Variants in UBP1 observed in about 807,000 individuals in gnomAD.
The protein encoded by UBP1 is upstream-binding protein 1.
In UBP1, 22 loss-of-function variants were observed where a neutral mutation model predicts 76.1. The ratio of observed to expected loss-of-function variants is 0.29; its 90% CI spans 0.21 to 0.41. The LOEUF is 0.41. Ranked by LOEUF, UBP1 falls within the 10% of genes least tolerant of loss-of-function variation. The pLI is 1.00. For synonymous variants in UBP1, 224 were observed against 237.1 expected, an observed-to-expected ratio of 0.94 and a Z score of 0.51; for missense variants, 436 against 668.1, an observed-to-expected ratio of 0.65 and a Z score of 3.83.
chr3:33,408,097 G>A (rs1389241271), intron 8 of UBP1, among the ~76,000 whole-genome samples: 1 of 152,000 alleles, frequency 6.6e-6, no homozygotes, highest in Non-Finnish European at 1.5e-5. Flanking sequence ...CTGCCAAGAA[G>A]AAACATGAAT....
chr3:33,398,901 C>G (rs986201810), intron 11 of UBP1, among the ~76,000 whole-genome samples: 2 of 152,220 alleles, frequency 1.3e-5, no homozygotes, highest in African/African-American at 4.8e-5. Context: ...GTTTTTCACA[C>G]ATAAAAGGCT....
intron 11 of UBP1, among the ~76,000 whole-genome samples, chr3:33,399,011 A>G (rs1396685476): frequency 6.6e-6 from 1 of 152,256 alleles, no homozygotes; most frequent in African/African-American, 2.4e-5. Context: ...TACTCATTGC[A>G]CAAACATTAC....
rs761047406 is a variant in UBP1, at chr3:33,439,744, G to A, written c.105C>T (p.Tyr35=). Residue 35 remains tyrosine, a synonymous_variant, in exon 1 of 16, where the codon TAC becomes TAT. Coordinates refer to ENST00000283629, the MANE Select transcript of UBP1 (RefSeq NM_014517.5). ...CCCAGGGAGCCCAGTACCTCATGCTGTAAGCGCCGGCGCCCAGTTCCTGCC... is the reference window on the plus strand; with the variant it reads ...CCCAGGGAGCCCAGTACCTCATGCTATAAGCGCCGGCGCCCAGTTCCTGCC... ...GIGQELGAGA[Y]SMSDVLALPI... 20 of 1,612,142 alleles carry A rather than the reference G, an allele frequency of 1.2e-5. No individual in the cohort carries two copies. The East Asian group carries it at 4.2e-4, about 34-fold the overall frequency.
chr3:33,392,414 A>G, intron 15 of UBP1, 149 bp downstream of exon 15: 1 of 660,676 alleles, frequency 1.5e-6, no homozygotes, highest in Non-Finnish European at 2.4e-6. Flanking sequence ...TTTCTGTTAC[A>G]ACCACTAGAA....
intron 11 of UBP1, among the ~76,000 whole-genome samples, chr3:33,399,158 G>A (rs558887377): frequency 2.6e-5 from 4 of 152,342 alleles, no homozygotes; most frequent in African/African-American, 9.6e-5. Flanking sequence ...CACTGCAGGT[G>A]AAGGAATGCT....
chr3:33,396,485 G>A, intron 12 of UBP1: 1 of 506,506 alleles, frequency 2.0e-6, no homozygotes, highest in South Asian at 3.1e-5. Context: ...TGATGATCCA[G>A]ACTCTAAACC....
chr3:33,402,839 G>C lies in UBP1; in HGVS notation c.993C>G (p.Phe331Leu), dbSNP rs1431098673. The part of the protein sequence containing the change: ...VNNSPSPAPT[F>L]TSPQQSTCSV... Reference sequence around the variant, plus strand: ...TGCAAGTGCTCTGCTGTGGGGAGGTGAAAGTGGGCGCTGGGGAAGGGCTGT... The same window carrying C: ...TGCAAGTGCTCTGCTGTGGGGAGGTCAAAGTGGGCGCTGGGGAAGGGCTGT... The change falls in exon 9 of 16, where the codon TTC (phenylalanine) becomes TTG (leucine). Residue 331 changes from phenylalanine to leucine, a missense_variant. This residue lies in a region of UBP1 where 210 missense variants were observed against 272.8 expected (regional missense o/e 0.77). Transcript: ENST00000283629. 3 of 1,608,110 alleles carry C rather than the reference G, an allele frequency of 1.9e-6. No individual in the cohort carries two copies. The highest frequency in any genetic ancestry group is 1.3e-5 in the African/African-American group (1 of 74,738).
intron 1 of UBP1, among the ~76,000 whole-genome samples, chr3:33,425,982 G>T (rs1487128705): frequency 8.1e-6 from 1 of 123,060 alleles, no homozygotes; most frequent in African/African-American, 3.2e-5. Flanking sequence ...GGGGAGGGCG[G>T]CAGGGCAGCT....
Position 33,420,492 on chromosome 3 carries a change from T to C in UBP1, c.266-3658A>G, listed in dbSNP as rs551765602. 1.4e-3 allele frequency among the ~76,000 whole-genome samples: 210 copies of C among 149,702 alleles called. 4 individuals carry two copies. In the East Asian group the frequency reaches 0.037, roughly 27 times the overall value. On this transcript the variant is annotated intron_variant, in intron 2 of 15. Coordinates refer to ENST00000283629, the MANE Select transcript of UBP1 (RefSeq NM_014517.5). ...AGGTGTGTGCCACCATACTGGCTTT[T>C]TTTTTTTTTTTTTTGGAGACAGAGT...
chr3:33,422,790 G>C (rs1354362094), intron 2 of UBP1, among the ~76,000 whole-genome samples: 1 of 150,002 alleles, frequency 6.7e-6, no homozygotes, highest in African/African-American at 2.5e-5. Context: ...GAAGAGAAAG[G>C]GAGCAGAAAA....
chr3:33,393,004 A>C, intron 14 of UBP1: 1 of 332,046 alleles, frequency 3.0e-6, no homozygotes, highest in Non-Finnish European at 5.4e-6. Flanking sequence ...CAAAAGGAAA[A>C]CACATCCAGT....
intron 10 of UBP1, among the ~76,000 whole-genome samples, chr3:33,400,680 G>A (rs1559672257): frequency 6.6e-6 from 1 of 152,048 alleles, no homozygotes; most frequent in Non-Finnish European, 1.5e-5. Context: ...AATGGGTGAG[G>A]GATAAGAGAG....
chr3:33,418,537 G>A (rs1186335659), intron 2 of UBP1, among the ~76,000 whole-genome samples: 1 of 151,882 alleles, frequency 6.6e-6, no homozygotes, highest in Non-Finnish European at 1.5e-5. Context: ...GGGATTACAG[G>A]CGTGAGCCAC....
At chr3:33,406,893 G>A (rs1019572139) in intron 8 of UBP1, among the ~76,000 whole-genome samples, 13 of 152,236 alleles carry the variant, frequency 8.5e-5, no homozygotes, top group African/African-American at 2.9e-4. Context: ...TTTGTTGTAC[G>A]GCATCTCCTG....
At chr3:33,399,362 C>T (rs771872941) in intron 11 of UBP1, among the ~76,000 whole-genome samples, 53 of 152,126 alleles carry the variant, frequency 3.5e-4, no homozygotes, top group Non-Finnish European at 7.2e-4. Flanking sequence ...GTGCTTGATA[C>T]CTTTTAAAAT....
chr3:33,393,658 T>C (rs1230020123), intron 13 of UBP1, among the ~76,000 whole-genome samples: 1 of 152,218 alleles, frequency 6.6e-6, no homozygotes, highest in Admixed American at 6.5e-5. Context: ...TAAGAATACA[T>C]TATTTATATC....
intron 13 of UBP1, among the ~76,000 whole-genome samples, chr3:33,394,423 C>G (rs1286228480): frequency 2.6e-5 from 4 of 151,958 alleles, no homozygotes; most frequent in Non-Finnish European, 5.9e-5. Context: ...GTATATGCCC[C>G]TCCCCCACAA....
chr3:33,393,585 G>A lies in UBP1; in HGVS notation c.1391-131C>T, dbSNP rs538555747. 2.6e-5 allele frequency: 20 copies of A among 777,518 alleles called. 1 individual carries two copies. The highest frequency in any genetic ancestry group is 3.3e-5 in the Non-Finnish European group (18 of 546,698). 48.2% of individuals were successfully genotyped at this position (777,518 alleles called of 1,614,324 possible). A position where few individuals can be genotyped will look rare whatever the true frequency, so the allele number is the denominator to read the frequency against. ...AAAAAGTAAAAAAACATTTTAAATG[G>A]GAATAAACTATTTCTTTCCCCCATC... On this transcript the variant is annotated intron_variant, in intron 13 of 15. Transcript: ENST00000283629.
rs560013406 is a variant in UBP1, at chr3:33,413,230, T to C, written c.343-403A>G. ...ACCCAGAAACAATGGTAAAACTTTG[T>C]TAATTTAAAATAACAGTTAACAATT... On this transcript the variant is annotated intron_variant, in intron 3 of 15. Transcript: ENST00000283629. 3.9e-5 allele frequency among the ~76,000 whole-genome samples: 6 copies of C among 152,254 alleles called. No homozygotes were observed. The South Asian group carries it at 1.2e-3, about 32-fold the overall frequency.
Sources: allele counts gnomAD v4.1 joint callset (sites outside exome capture counted in the v4.1 genomes callset), GRCh38; gene constraint gnomAD v4.1.1; regional missense constraint gnomAD v4.1.1; transcripts MANE v1.5; gene names NCBI Gene and HGNC (gene_info 2026-07-23, HGNC 2026-07-21).